Variants in ANXA3 observed in about 807,000 individuals in gnomAD.
ANXA3 encodes annexin A3.
ANXA3 carries 46 observed loss-of-function variants against 48.8 expected under a neutral mutation model. That is an observed-to-expected ratio of 0.94 (90% CI 0.74 to 1.21). ANXA3 has a LOEUF of 1.21. ANXA3 is among the 50% of genes most tolerant of loss of function. The probability of loss-of-function intolerance (pLI) is 0.00; values close to 1 mark genes in which losing one functional copy is unlikely to be tolerated. For missense variants in ANXA3, 383 were observed against 378.6 expected (o/e 1.01, Z -0.10); for synonymous variants, 128 against 134.7 (o/e 0.95, Z 0.35).
chr4:78,603,277 A>T (rs1000949068), intron 11 of ANXA3: 1 of 152,220 alleles, frequency 6.6e-6, no homozygotes, highest in African/African-American at 2.4e-5. Flanking sequence ...GCTCATAAGC[A>T]TTTGCTGGAT....
chr4:78,588,507 T>G (rs755801791), intron 6 of ANXA3, among the ~76,000 whole-genome samples: 6 of 151,754 alleles, frequency 4.0e-5, no homozygotes, highest in Non-Finnish European at 5.9e-5. Flanking sequence ...AGGAAAGAGG[T>G]TGAGGCTATC....
At chr4:78,606,446 T>C (rs1472289280) in intron 12 of ANXA3, among the ~76,000 whole-genome samples, 1 of 152,172 alleles carries the variant, frequency 6.6e-6, no homozygotes, top group Non-Finnish European at 1.5e-5. Context: ...CTCAAGCCCC[T>C]ACAAGGCTGG....
At chr4:78,564,378 C>G (rs1722686879) in intron 2 of ANXA3, among the ~76,000 whole-genome samples, 1 of 152,210 alleles carries the variant, frequency 6.6e-6, no homozygotes, top group Non-Finnish European at 1.5e-5. Flanking sequence ...GGAAGCAACT[C>G]ATCGGGCAGC....
rs548971436 is a variant in ANXA3, at chr4:78,589,038, C to T, written c.404-2506C>T. Among the ~76,000 whole-genome samples the T allele has an allele frequency of 3.9e-5, 6 of 152,300 alleles. No individual in the cohort carries two copies. In the South Asian group the frequency reaches 1.2e-3, roughly 32 times the overall value. On this transcript the variant is annotated intron_variant, in intron 6 of 12. Coordinates refer to ENST00000264908, the MANE Select transcript of ANXA3 (RefSeq NM_005139.3). ...CAAGTGGACCTGCCCTGTGACAGAT[C>T]CCTGGAGCCCAGCATTTAGGTACAA... is the stretch of plus-strand genomic sequence containing the variant.
At chr4:78,590,592 G>A (rs1185326876) in intron 6 of ANXA3, among the ~76,000 whole-genome samples, 1 of 152,086 alleles carries the variant, frequency 6.6e-6, no homozygotes, top group African/African-American at 2.4e-5. Context: ...CCACCCCATG[G>A]ATGGGGCAGA....
intron 1 of ANXA3, among the ~76,000 whole-genome samples, chr4:78,553,674 G>GA (rs1335646402): frequency 2.6e-5 from 4 of 152,110 alleles, no homozygotes; most frequent in Non-Finnish European, 4.4e-5. Flanking sequence ...CAGAGAGCCT[G>GA]AAAAAACCAA....
At chr4:78,608,936 A>G (rs1203945912) in intron 12 of ANXA3, among the ~76,000 whole-genome samples, 1 of 152,180 alleles carries the variant, frequency 6.6e-6, no homozygotes, top group Admixed American at 6.5e-5. Context: ...CTGATCAGAG[A>G]TGTCTAGAAG....
At chr4:78,565,018 G>T (rs576459586) in intron 2 of ANXA3, among the ~76,000 whole-genome samples, 1 of 145,770 alleles carries the variant, frequency 6.9e-6, no homozygotes, top group Non-Finnish European at 1.5e-5. Context: ...TTTTGAGATG[G>T]AGTCTCGCTC....
chr4:78,552,387 T>G (rs923338431), intron 1 of ANXA3: 3 of 152,208 alleles, frequency 2.0e-5, no homozygotes, highest in Admixed American at 6.5e-5. Flanking sequence ...TTATTTTATT[T>G]TACTTATTTT....
intron 2 of ANXA3, among the ~76,000 whole-genome samples, chr4:78,560,460 G>T (rs549548389): frequency 2.5e-4 from 38 of 152,248 alleles, no homozygotes; most frequent in African/African-American, 8.4e-4. Context: ...GCTCTGGAAG[G>T]GTCCTGGACC....
intron 7 of ANXA3, among the ~76,000 whole-genome samples, chr4:78,593,599 C>T (rs1578401739): frequency 6.7e-6 from 1 of 150,324 alleles, no homozygotes; most frequent in South Asian, 2.1e-4. Flanking sequence ...CCCATATGAC[C>T]CTATTCTACT....
chr4:78,591,286 C>T (rs1367939837), intron 6 of ANXA3, among the ~76,000 whole-genome samples: 1 of 152,166 alleles, frequency 6.6e-6, no homozygotes, highest in African/African-American at 2.4e-5. Context: ...GTGCCATTGT[C>T]AGATGAAATA....
chr4:78,602,808 G>C (rs1266615966), intron 11 of ANXA3: 1 of 152,318 alleles, frequency 6.6e-6, no homozygotes, highest in East Asian at 1.9e-4. Flanking sequence ...TCATCCCAGA[G>C]AATGGCCCCA....
At chr4:78,553,348 TA>T (rs113679317) in intron 1 of ANXA3, among the ~76,000 whole-genome samples, 35 of 152,276 alleles carry the variant, frequency 2.3e-4, no homozygotes, top group African/African-American at 2.4e-4. Flanking sequence ...GTTTTTTTTT[TA>T]AATATCTACC....
intron 10 of ANXA3, among the ~76,000 whole-genome samples, chr4:78,597,869 C>T (rs1723453843): frequency 6.6e-6 from 1 of 152,196 alleles, no homozygotes; most frequent in African/African-American, 2.4e-5. Context: ...CCACCTCAGC[C>T]TCCCAAAGTG....
At chr4:78,568,070 A>ATC (rs139407228) in intron 2 of ANXA3, among the ~76,000 whole-genome samples, 5,257 of 152,254 alleles carry the variant, frequency 0.035, 337 homozygotes, top group African/African-American at 0.12. Flanking sequence ...CTGTGACCTC[A>ATC]TCTTAATTAA....
chr4:78,605,431 T>G (rs1285895111), intron 12 of ANXA3, among the ~76,000 whole-genome samples: 1 of 152,262 alleles, frequency 6.6e-6, no homozygotes, highest in Non-Finnish European at 1.5e-5. Context: ...TCTTTTTACA[T>G]TCTTTGTCCA....
chr4:78,594,850 T>TGGGTTG (rs1483963992), intron 7 of ANXA3, among the ~76,000 whole-genome samples: 1 of 152,224 alleles, frequency 6.6e-6, no homozygotes, highest in Admixed American at 6.5e-5. Context: ...ACCTCTGTGT[T>TGGGTTG]GGGTTGGGCA....
chr4:78,587,661 G>C (rs1723205934), intron 6 of ANXA3, among the ~76,000 whole-genome samples: 1 of 152,224 alleles, frequency 6.6e-6, no homozygotes, highest in Non-Finnish European at 1.5e-5. Flanking sequence ...GTGTTAAAGA[G>C]GATGCTTTGG....
Sources: gnomAD v4.1 joint callset for allele counts (sites outside exome capture counted in the v4.1 genomes callset) on GRCh38, gnomAD v4.1.1 for gene constraint, MANE v1.5 for transcripts, NCBI Gene and HGNC (gene_info 2026-07-23, HGNC 2026-07-21) for gene names.